The following FNTB variants were observed in gnomAD, a reference collection of about 807,000 sequenced individuals.
FNTB encodes the protein farnesyltransferase, CAAX box, subunit beta.
Under a neutral mutation model 59.4 loss-of-function variants are expected in FNTB, and 27 were observed. The observed-to-expected ratio is 0.45, with a 90% CI of 0.34 to 0.63. The LOEUF is 0.63. FNTB is among the 20% of genes least tolerant of loss of function. The pLI is 0.02. For missense variants in FNTB, 449 were observed against 559.6 expected (o/e 0.80, Z 1.99); for synonymous variants, 230 against 220.7 (o/e 1.04, Z -0.37).
chr14:65,042,303 A>G (rs1419578949), intron 8 of FNTB, among the ~76,000 whole-genome samples: 1 of 152,192 alleles, frequency 6.6e-6, no homozygotes, highest in East Asian at 1.9e-4. Flanking sequence ...ACAACTCACC[A>G]TAATGTAGAA....
chr14:65,055,652 G>A (rs1442476042), intron 11 of FNTB, among the ~76,000 whole-genome samples: 1 of 151,968 alleles, frequency 6.6e-6, no homozygotes, highest in Non-Finnish European at 1.5e-5. Context: ...GAGTAGCTGG[G>A]ATTACAGGCA....
chr14:65,003,445 C>A (rs1201952787), intron 1 of FNTB: 1 of 151,970 alleles, frequency 6.6e-6, no homozygotes, highest in East Asian at 1.9e-4. Flanking sequence ...TTCCCTCTAC[C>A]CTTCTAATTT....
At chr14:65,002,208 T>C (rs1412531878) in intron 1 of FNTB, among the ~76,000 whole-genome samples, 2 of 152,164 alleles carry the variant, frequency 1.3e-5, no homozygotes, top group African/African-American at 4.8e-5. Flanking sequence ...TGAACGCCAA[T>C]CCTGTTAACC....
chr14:65,038,597 A>G (rs1421078769), intron 7 of FNTB, among the ~76,000 whole-genome samples: 1 of 151,726 alleles, frequency 6.6e-6, no homozygotes, highest in African/African-American at 2.4e-5. Flanking sequence ...ATGCACCTGT[A>G]ATCCCACGTA....
chr14:65,045,093 C>T (rs536597973), intron 9 of FNTB, among the ~76,000 whole-genome samples: 7 of 152,198 alleles, frequency 4.6e-5, no homozygotes, highest in Admixed American at 1.3e-4. Context: ...AACGCAAAAC[C>T]GAAGTAGTTA....
At chr14:65,002,142 T>C (rs2061529977) in intron 1 of FNTB, among the ~76,000 whole-genome samples, 1 of 152,046 alleles carries the variant, frequency 6.6e-6, no homozygotes, top group South Asian at 2.1e-4. Context: ...TTTATGTATC[T>C]TGAAATCTCA....
rs575134551 is a variant in FNTB, at chr14:65,002,791, T to A, written c.145-1458T>A. ...AGTGCGGAGTGAGGAGTTTGTTGAT[T>A]GATTGAAAAGTGTAGGGTGAAGTCA... is the stretch of plus-strand genomic sequence containing the variant. On this transcript the variant is annotated intron_variant, in intron 1 of 11. Coordinates refer to ENST00000246166, the MANE Select transcript of FNTB (RefSeq NM_002028.4). Among the ~76,000 whole-genome samples, 17 of 151,946 alleles carry A rather than the reference T, an allele frequency of 1.1e-4. No homozygotes were observed. The South Asian group carries it at 2.3e-3, about 20-fold the overall frequency.
intron 4 of FNTB, among the ~76,000 whole-genome samples, chr14:65,018,836 C>T (rs1472308563): frequency 2.0e-5 from 3 of 146,962 alleles, no homozygotes; most frequent in South Asian, 2.1e-4. Flanking sequence ...AAAGGCCAGG[C>T]GCGGTGGCTC....
At position 65,032,833 on chromosome 14, in the gene FNTB, A is replaced by AT. The variant is rs991070732; in HGVS notation, c.692+144dup. On this transcript the variant is annotated intron_variant, in intron 7 of 11. Transcript: ENST00000246166. The surrounding 1 kb of genome is among the most constrained non-coding windows in gnomAD (Gnocchi z 5.0). ...GGAGATCCATTAGGGTTATCTAATG[A>AT]TTTTTTTAAATACTTAAAATGTCTT... 7 of 657,498 alleles carry AT rather than the reference A, an allele frequency of 1.1e-5. No homozygotes were observed. Among genetic ancestry groups the AT allele is most frequent in the Middle Eastern group, 2.6e-4 (1 of 3,790 alleles). The allele number at this position is 657,498 out of a possible 1,614,324, so 40.7% of individuals were successfully genotyped here.
intron 4 of FNTB, among the ~76,000 whole-genome samples, chr14:65,024,602 G>A (rs553497091): frequency 7.2e-5 from 11 of 152,248 alleles, no homozygotes; most frequent in Admixed American, 2.0e-4. Context: ...CCTTGCTGAC[G>A]TTAAAGAAAA....
intron 4 of FNTB, among the ~76,000 whole-genome samples, chr14:65,018,313 G>C (rs1218305957): frequency 6.6e-6 from 1 of 152,148 alleles, no homozygotes; most frequent in Non-Finnish European, 1.5e-5. Context: ...CTGGGCAACA[G>C]AGCAAGACCC....
At chr14:64,987,159 CG>C in intron 1 of FNTB, 62 bp downstream of exon 1, 1 of 1,590,670 alleles carries the variant, frequency 6.3e-7, no homozygotes, top group Non-Finnish European at 8.6e-7. Context: ...GAGTCCCGTT[CG>C]TAGGGCCGCC....
At position 64,997,461 on chromosome 14, in the gene FNTB, G is replaced by C. The variant is rs1275349865; in HGVS notation, c.145-6788G>C. 6.6e-6 allele frequency among the ~76,000 whole-genome samples: 1 copy of C among 152,120 alleles called. No homozygotes were observed. The highest frequency in any genetic ancestry group is 1.5e-5 in the Non-Finnish European group (1 of 68,032). On this transcript the variant is annotated intron_variant, in intron 1 of 11. Transcript: ENST00000246166. The surrounding 1 kb of genome is among the most constrained non-coding windows in gnomAD (Gnocchi z 4.5). ...ATCCTTGAAAAACCTCCAAACCTTTGGGAAAATTGATTTGAGTAATAACTC... is the reference window on the plus strand; with the variant it reads ...ATCCTTGAAAAACCTCCAAACCTTTCGGAAAATTGATTTGAGTAATAACTC...
At chr14:64,989,775 A>G (rs1361159922) in intron 1 of FNTB, among the ~76,000 whole-genome samples, 4 of 152,256 alleles carry the variant, frequency 2.6e-5, no homozygotes, top group African/African-American at 9.6e-5. Context: ...TAAACAAAAG[A>G]GGCCAAGTTG....
At chr14:64,992,522 G>T (rs754855675) in intron 1 of FNTB, among the ~76,000 whole-genome samples, 3 of 152,176 alleles carry the variant, frequency 2.0e-5, no homozygotes, top group Non-Finnish European at 4.4e-5. Context: ...TGGATTTCCG[G>T]ACCACATGTT....
chr14:64,986,991 C>G lies in FNTB; in HGVS notation c.38C>G (p.Pro13Arg). The G allele has an allele frequency of 6.2e-7, 1 of 1,614,228 alleles. No individual in the cohort carries two copies. Among genetic ancestry groups the G allele is most frequent in the Middle Eastern group, 1.6e-4 (1 of 6,062 alleles). ...AGTTCTTTCACCTACTATTGCCCTC[C>G]ATCTTCCTCCCCCGTCTGGTCAGAG... ...SPSSFTYYCP[P>R]SSSPVWSEPL... The change falls in exon 1 of 12, where the codon CCA becomes CGA. Residue 13 changes from proline (P) to arginine (R), a missense_variant. By Grantham distance (103) the Pro-to-Arg change is moderately radical (BLOSUM62 -2). Coordinates refer to ENST00000246166, the MANE Select transcript of FNTB (RefSeq NM_002028.4).
rs199879394 is a variant in FNTB at position 65,032,730 on chromosome 14, G to A, written c.692+34G>A. 4.3e-4 allele frequency: 697 copies of A among 1,602,716 alleles called. 1 individual carries two copies. Among genetic ancestry groups the A allele is most frequent in the Non-Finnish European group, 7.0e-5 (82 of 1,175,134 alleles). ...AGCCAGGGTTTCTCCTGGCCTCTTGGAGAGCAGGCGGTCACGACACTACTT... is the reference window on the plus strand; with the variant it reads ...AGCCAGGGTTTCTCCTGGCCTCTTGAAGAGCAGGCGGTCACGACACTACTT... On this transcript the variant is annotated intron_variant, in intron 7 of 11. Transcript: ENST00000246166. The surrounding 1 kb of genome is among the most constrained non-coding windows in gnomAD (Gnocchi z 5.0).
chr14:65,051,543 G>A lies in FNTB; in HGVS notation c.956-1695G>A, dbSNP rs544246507. Among the ~76,000 whole-genome samples the A allele has an allele frequency of 1.1e-4, 17 of 151,830 alleles. No homozygotes were observed. In the South Asian group the frequency reaches 1.9e-3, roughly 17 times the overall value. The stretch of plus-strand genomic sequence containing the variant: ...GGACAATCGCTTGAACCCGGGAGGC[G>A]GAGGTTGCAGTGAGCCGAGATCGTG... On this transcript the variant is annotated intron_variant, in intron 9 of 11. Transcript: ENST00000246166.
At chr14:65,045,359 T>C (rs2062451944) in intron 9 of FNTB, among the ~76,000 whole-genome samples, 1 of 152,094 alleles carries the variant, frequency 6.6e-6, no homozygotes. Flanking sequence ...GAGATTCTTT[T>C]CTGCCCCTCC....
Sources: gnomAD v4.1 joint callset for allele counts (sites outside exome capture counted in the v4.1 genomes callset) on GRCh38, gnomAD v4.1.1 for gene constraint, Gnocchi (gnomAD v3.1) non-coding constraint, MANE v1.5 for transcripts, NCBI Gene and HGNC (gene_info 2026-07-23, HGNC 2026-07-21) for gene names.